CDC14B: variants seen among roughly 807,000 people sequenced by gnomAD.
The protein encoded by CDC14B is cell division cycle 14B.
CDC14B carries 22 observed loss-of-function variants against 64.2 expected under a neutral mutation model. The observed-to-expected ratio is 0.34, with a 90% CI of 0.24 to 0.49. The LOEUF is 0.49. Ranked by LOEUF, CDC14B falls within the 20% of genes least tolerant of loss-of-function variation. The pLI is 0.99. For missense variants in CDC14B, 498 were observed against 629.9 expected (o/e 0.79, Z 2.24); for synonymous variants, 191 against 215.8 (o/e 0.89, Z 1.01).
intron 1 of CDC14B, among the ~76,000 whole-genome samples, chr9:96,583,346 C>A (rs1336861846): frequency 3.3e-5 from 5 of 150,270 alleles, no homozygotes; most frequent in African/African-American, 1.2e-4. Flanking sequence ...ACCGGCGCCA[C>A]CCTCCGGCTA....
intron 1 of CDC14B, among the ~76,000 whole-genome samples, chr9:96,568,839 C>G (rs559759393): frequency 6.6e-6 from 1 of 152,066 alleles, no homozygotes; most frequent in Admixed American, 6.6e-5. Context: ...ATCGTTTGAA[C>G]CCGGGAGGTG....
chr9:96,569,327 G>C (rs1044877566), intron 1 of CDC14B, among the ~76,000 whole-genome samples: 4 of 152,124 alleles, frequency 2.6e-5, no homozygotes, highest in African/African-American at 9.7e-5. Flanking sequence ...TTAGTAACAA[G>C]TTTTGGGTTC....
intron 4 of CDC14B, among the ~76,000 whole-genome samples, chr9:96,552,112 TGTG>T (rs374788561): frequency 2.8e-4 from 42 of 152,350 alleles, no homozygotes; most frequent in African/African-American, 9.9e-4. Context: ...AGCAACCTTT[TGTG>T]GTAAGAAGCA....
chr9:96,574,095 C>T (rs1428454543), intron 1 of CDC14B, among the ~76,000 whole-genome samples: 2 of 151,014 alleles, frequency 1.3e-5, no homozygotes, highest in East Asian at 1.9e-4. Context: ...GGCAGTACGC[C>T]GAGATCGCAC....
At chr9:96,526,127 GGAGGCC>G (rs1213235254) in intron 9 of CDC14B, among the ~76,000 whole-genome samples, 1 of 152,126 alleles carries the variant, frequency 6.6e-6, no homozygotes, top group East Asian at 1.9e-4. Context: ...CAGCAGTTTG[GGAGGCC>G]GAGGAGGGCA....
intron 1 of CDC14B, among the ~76,000 whole-genome samples, chr9:96,602,296 C>T (rs1846534848): frequency 6.6e-6 from 1 of 152,182 alleles, no homozygotes; most frequent in Non-Finnish European, 1.5e-5. Context: ...TGTCCCCAAG[C>T]AGTCACAACA....
At chr9:96,610,455 C>G (rs1847241469) in intron 1 of CDC14B, among the ~76,000 whole-genome samples, 1 of 152,022 alleles carries the variant, frequency 6.6e-6, no homozygotes, top group Admixed American at 6.6e-5. Context: ...GCCTCGGCCT[C>G]CTAAAGTGCT....
chr9:96,605,386 G>A (rs1281639676), intron 1 of CDC14B, among the ~76,000 whole-genome samples: 1 of 152,120 alleles, frequency 6.6e-6, no homozygotes, highest in African/African-American at 2.4e-5. Flanking sequence ...ACACAAGCAG[G>A]GGTAAGTGAC....
intron 9 of CDC14B, among the ~76,000 whole-genome samples, chr9:96,529,374 T>C (rs58143370): frequency 0.052 from 7,921 of 152,222 alleles, 698 homozygotes; most frequent in African/African-American, 0.18. Context: ...TTCTTGAATG[T>C]CATTTGACCA....
intron 1 of CDC14B, among the ~76,000 whole-genome samples, chr9:96,604,779 CT>C (rs1326467858): frequency 6.6e-6 from 1 of 152,076 alleles, no homozygotes; most frequent in Non-Finnish European, 1.5e-5. Context: ...AGCGATTCTC[CT>C]GCCTCAGCCT....
At chr9:96,538,414 G>A (rs1261418013) in intron 7 of CDC14B, among the ~76,000 whole-genome samples, 3 of 152,186 alleles carry the variant, frequency 2.0e-5, no homozygotes, top group South Asian at 4.2e-4. Context: ...AAGTGAAATG[G>A]GTGATTAAGA....
At chr9:96,551,263 T>A (rs1434336543) in intron 5 of CDC14B, among the ~76,000 whole-genome samples, 1 of 151,892 alleles carries the variant, frequency 6.6e-6, no homozygotes, top group Admixed American at 6.6e-5. Context: ...ACTACAGGCA[T>A]GTGCAACCAC....
At chr9:96,510,751 G>T (rs551693454) in intron 12 of CDC14B, among the ~76,000 whole-genome samples, 9 of 151,874 alleles carry the variant, frequency 5.9e-5, no homozygotes, top group African/African-American at 1.7e-4. Flanking sequence ...GACCGCAGGC[G>T]CCCACCACCT....
At chr9:96,517,278 G>A (rs991612033) in intron 12 of CDC14B, among the ~76,000 whole-genome samples, 4 of 151,128 alleles carry the variant, frequency 2.6e-5, no homozygotes, top group Non-Finnish European at 5.9e-5. Flanking sequence ...GGAGGCGGAG[G>A]TTGCAGTGAG....
In CDC14B at chr9:96,517,643, C is replaced by CAAAAAAAAAAA. The variant is rs1016405679; in HGVS notation, c.1343+4852_1343+4862dup. Among the ~76,000 whole-genome samples the CAAAAAAAAAAA allele has an allele frequency of 1.7e-4, 6 of 34,616 alleles. 1 individual carries two copies. Among genetic ancestry groups the CAAAAAAAAAAA allele is most frequent in the African/African-American group, 8.8e-4 (6 of 6,812 alleles). The allele number at this position is 34,616 out of a possible 152,430, so 22.7% of individuals were successfully genotyped here. A position where few individuals can be genotyped will look rare whatever the true frequency, so the allele number is the denominator to read the frequency against. On this transcript the variant is annotated intron_variant, in intron 12 of 13. Transcript: ENST00000375241. ...TGGGCGACAGAGCAAGACTCCGTCTCAAAAAAAAAAAAAAAAAAAAAGAAG... is the reference window on the plus strand; with the variant it reads ...TGGGCGACAGAGCAAGACTCCGTCTCAAAAAAAAAAAAAAAAAAAAAAAAAAAAAAAAGAAG...
At chr9:96,514,025 G>A (rs1554738441) in intron 12 of CDC14B, among the ~76,000 whole-genome samples, 1 of 152,196 alleles carries the variant, frequency 6.6e-6, no homozygotes, top group Non-Finnish European at 1.5e-5. Context: ...AGATGATACT[G>A]ATTAACACCA....
intron 7 of CDC14B, 190 bp downstream of exon 7, chr9:96,538,888 A>G (rs1023283450): frequency 5.6e-6 from 3 of 539,458 alleles, no homozygotes; most frequent in Non-Finnish European, 9.9e-6. Context: ...ACACACGCCA[A>G]AAGACTAAAT....
At chr9:96,498,056 C>T (rs1833326270), downstream of CDC14B, among the ~76,000 whole-genome samples, 1 of 152,194 alleles carries the variant, frequency 6.6e-6, no homozygotes, top group Non-Finnish European at 1.5e-5. Flanking sequence ...CTGCAGAACA[C>T]GGATGCAGTG....
chr9:96,505,487 G>A (rs372068491), intron 13 of CDC14B, among the ~76,000 whole-genome samples: 1 of 152,206 alleles, frequency 6.6e-6, no homozygotes, highest in African/African-American at 2.4e-5. Flanking sequence ...GAGTGAATGC[G>A]AGCAAATGAG....
Sources: allele counts gnomAD v4.1 joint callset (sites outside exome capture counted in the v4.1 genomes callset), GRCh38; gene constraint gnomAD v4.1.1; transcripts MANE v1.5; gene names NCBI Gene and HGNC (gene_info 2026-07-23, HGNC 2026-07-21).